The following HIVEP2 variants were observed in gnomAD, a reference collection of about 807,000 sequenced individuals.
The protein encoded by HIVEP2 is transcription factor HIVEP2.
In HIVEP2, 14 loss-of-function variants were observed where a neutral mutation model predicts 180.7. The ratio of observed to expected loss-of-function variants is 0.08; its 90% confidence interval spans 0.05 to 0.12. The LOEUF is 0.12. Ranked by LOEUF, HIVEP2 falls within the 10% of genes least tolerant of loss-of-function variation. The pLI is 1.00. For missense variants in HIVEP2, 2,579 were observed against 3,008.5 expected (o/e 0.86, Z 3.34); for synonymous variants, 1,184 against 1,136.4 (o/e 1.04, Z -0.84).
At chr6:142,775,406 G>A (rs1355692690) in intron 4 of HIVEP2, among the ~76,000 whole-genome samples, 1 of 151,848 alleles carries the variant, frequency 6.6e-6, no homozygotes, top group Non-Finnish European at 1.5e-5. Flanking sequence ...AATCCTTGAT[G>A]GATATTATCT....
intron 1 of HIVEP2, among the ~76,000 whole-genome samples, chr6:142,886,990 GTGTCAA>G: frequency 6.6e-6 from 1 of 152,126 alleles, no homozygotes; most frequent in Non-Finnish European, 1.5e-5. Context: ...CTGTGCATAT[GTGTCAA>G]CAGTATGTGG....
rs780586812 is a variant in HIVEP2, at chr6:142,772,158, C to T, written c.2581G>A (p.Gly861Arg). The change falls in exon 5 of 10, where the codon GGG (glycine) becomes AGG (arginine). Residue 861 changes from glycine to arginine, a missense_variant. Around this residue, in one of 11 missense-constraint regions of HIVEP2, gnomAD observed 524 missense variants for 563.6 expected, o/e 0.93. Transcript: ENST00000367603. The surrounding 1 kb of genome is among the most constrained non-coding windows in gnomAD (Gnocchi z 4.9). ...APPGDGAESG[G>R]KPSPSQQVQQ... ...ACCTGCTGAGATGGAGAGGGTTTCC[C>T]CCCACTTTCTGCACCATCCCCAGGT... 6.2e-7 allele frequency: 1 copy of T among 1,614,180 alleles called. No individual in the cohort carries two copies. Among genetic ancestry groups the T allele is most frequent in the East Asian group, 2.2e-5 (1 of 44,878 alleles).
chr6:142,764,803 C>G lies in HIVEP2; in HGVS notation c.5514G>C (p.Thr1838=). The change falls in exon 7 of 10, where the codon ACG becomes ACC. Residue 1838 remains threonine (T), a synonymous_variant. Transcript: ENST00000367603. ...VCKLCNFAFK[T]KGNLTKHMKS... is the part of the protein sequence containing the mutation. ...TCAAAAAAATCAGACTTGTACCTTTCGTTTTGAAGGCAAAGTTACATAACT... is the reference window on the plus strand; with the variant it reads ...TCAAAAAAATCAGACTTGTACCTTTGGTTTTGAAGGCAAAGTTACATAACT... 1 of 1,613,140 alleles carries G rather than the reference C, an allele frequency of 6.2e-7. No homozygotes were observed. Among genetic ancestry groups the G allele is most frequent in the Non-Finnish European group, 8.5e-7 (1 of 1,179,498 alleles).
At chr6:142,794,830 T>G (rs2114737046) in intron 2 of HIVEP2, among the ~76,000 whole-genome samples, 1 of 152,352 alleles carries the variant, frequency 6.6e-6, no homozygotes, top group East Asian at 1.9e-4. Flanking sequence ...TTAATAAGTT[T>G]TGAAGCCATT....
intron 2 of HIVEP2, among the ~76,000 whole-genome samples, chr6:142,818,712 AAAGAAAGAAAAG>A (rs1267962785): frequency 8.3e-4 from 53 of 64,072 alleles, no homozygotes; most frequent in Middle Eastern, 7.9e-3. Flanking sequence ...AGAAAGAAAG[AAAGAAAGAAAAG>A]AAAGAAAGAA....
At chr6:142,892,950 G>A (rs1026897449) in intron 1 of HIVEP2, among the ~76,000 whole-genome samples, 8 of 152,150 alleles carry the variant, frequency 5.3e-5, no homozygotes, top group Admixed American at 2.0e-4. Flanking sequence ...GCGAGGCTTC[G>A]TAACATAGAG....
intron 8 of HIVEP2, 80 bp from the exon 9 acceptor site, chr6:142,760,747 T>C: frequency 9.2e-7 from 1 of 1,087,724 alleles, no homozygotes; most frequent in Non-Finnish European, 1.3e-6. Flanking sequence ...CATTTCTTTC[T>C]AAACGCTTTT....
At chr6:142,800,643 C>G (rs1776381098) in intron 2 of HIVEP2, among the ~76,000 whole-genome samples, 1 of 151,988 alleles carries the variant, frequency 6.6e-6, no homozygotes, top group Non-Finnish European at 1.5e-5. Flanking sequence ...AAATGCTTCC[C>G]TTTAATATTC....
At chr6:142,872,809 T>C (rs768776578) in intron 1 of HIVEP2, among the ~76,000 whole-genome samples, 2 of 152,254 alleles carry the variant, frequency 1.3e-5, no homozygotes, top group African/African-American at 2.4e-5. Context: ...AAGGAAGTTA[T>C]GATTTCATGC....
rs921321643 is a variant in HIVEP2 at position 142,938,311 on chromosome 6, C to A, written c.-641+6788G>T. 1.2e-4 allele frequency among the ~76,000 whole-genome samples: 18 copies of A among 152,316 alleles called. No homozygotes were observed. In the East Asian group the frequency reaches 3.5e-3, roughly 29 times the overall value. On this transcript the variant is annotated intron_variant, in intron 1 of 9. Coordinates refer to ENST00000367603, the MANE Select transcript of HIVEP2 (RefSeq NM_006734.4). ...ACAATTAAGCAGTATAAAATAACCTCAATTTAATTGCATCCAATTAACAAG... is the reference window on the plus strand; with the variant it reads ...ACAATTAAGCAGTATAAAATAACCTAAATTTAATTGCATCCAATTAACAAG...
rs6937516 is a variant in HIVEP2, at chr6:142,809,017, C to T, written c.-527-25402G>A. Among the ~76,000 whole-genome samples the T allele has an allele frequency of 8.1e-3, 1,231 of 152,108 alleles. 20 individuals are homozygous for T. Among genetic ancestry groups the T allele is most frequent in the African/African-American group, 0.028 (1,178 of 41,498 alleles). ...GCTGAATTATATTCATCTTTGTATCCCACACAAATCCGAGTACAAGGTCTT... is the reference window on the plus strand; with the variant it reads ...GCTGAATTATATTCATCTTTGTATCTCACACAAATCCGAGTACAAGGTCTT... On this transcript the variant is annotated intron_variant, in intron 2 of 9. Coordinates refer to ENST00000367603, the MANE Select transcript of HIVEP2 (RefSeq NM_006734.4).
intron 7 of HIVEP2, among the ~76,000 whole-genome samples, chr6:142,761,909 C>T (rs1285316531): frequency 6.6e-6 from 1 of 152,182 alleles, no homozygotes; most frequent in African/African-American, 2.4e-5. Flanking sequence ...AATACACCAG[C>T]CTCCTGGGAC....
intron 2 of HIVEP2, among the ~76,000 whole-genome samples, chr6:142,802,618 T>C (rs1012926674): frequency 6.6e-6 from 1 of 152,026 alleles, no homozygotes; most frequent in African/African-American, 2.4e-5. Flanking sequence ...CTATTCCTAA[T>C]ATATGCAAAC....
chr6:142,759,946 C>T lies in HIVEP2; in HGVS notation c.6342G>A (p.Arg2114=), dbSNP rs1324181369. Residue 2114 remains arginine, a synonymous_variant, in exon 9 of 10, where the codon AGG becomes AGA. Coordinates refer to ENST00000367603, the MANE Select transcript of HIVEP2 (RefSeq NM_006734.4). ...DVSPRRHLSP[R]RPVSPGKDIT... is the part of the protein sequence containing the mutation. Reference sequence around the variant, plus strand: ...TATCTTTCCCAGGAGACACTGGCCTCCTTGGAGACAAATGCCTTCTTGGTG... The same window carrying T: ...TATCTTTCCCAGGAGACACTGGCCTTCTTGGAGACAAATGCCTTCTTGGTG... 3 of 1,613,932 alleles carry T rather than the reference C, an allele frequency of 1.9e-6. No individual in the cohort carries two copies. The highest frequency in any genetic ancestry group is 2.7e-5 in the African/African-American group (2 of 74,880).
chr6:142,810,832 G>A (rs1420070380), intron 2 of HIVEP2, among the ~76,000 whole-genome samples: 1 of 151,484 alleles, frequency 6.6e-6, no homozygotes, highest in Non-Finnish European at 1.5e-5. Flanking sequence ...AGGAGGTAAG[G>A]CTATAGGATC....
chr6:142,850,025 C>A (rs1291489603), intron 1 of HIVEP2, among the ~76,000 whole-genome samples: 2 of 151,996 alleles, frequency 1.3e-5, no homozygotes, highest in Admixed American at 6.5e-5. Context: ...AAGTCAAAGA[C>A]CCAAAAGATG....
intron 1 of HIVEP2, among the ~76,000 whole-genome samples, chr6:142,938,545 GC>G: frequency 6.6e-6 from 1 of 152,228 alleles, no homozygotes; most frequent in African/African-American, 2.4e-5. Flanking sequence ...GAGAATTCAC[GC>G]TGTATTTAAG....
chr6:142,944,361 AC>A (rs55804696), intron 1 of HIVEP2, among the ~76,000 whole-genome samples: 48,794 of 104,152 alleles, frequency 0.47, 9,353 homozygotes, highest in Non-Finnish European at 0.53. Flanking sequence ...TCTGGAGTCC[AC>A]CCCCCCCCCC....
chr6:142,842,939 T>C (rs889703759), intron 1 of HIVEP2, among the ~76,000 whole-genome samples: 32 of 152,140 alleles, frequency 2.1e-4, no homozygotes, highest in Non-Finnish European at 4.3e-4. Flanking sequence ...TGTGTAAAGA[T>C]GAAACTGACA....
Sources: allele counts gnomAD v4.1 joint callset (sites outside exome capture counted in the v4.1 genomes callset), GRCh38; gene constraint gnomAD v4.1.1; regional missense constraint gnomAD v4.1.1; non-coding constraint Gnocchi (gnomAD v3.1); transcripts MANE v1.5; gene names NCBI Gene and HGNC (gene_info 2026-07-23, HGNC 2026-07-21).